The following SLC9A9 variants were observed in gnomAD, a reference collection of about 807,000 sequenced individuals.
The protein encoded by SLC9A9 is solute carrier family 9 member A9, also known as sodium/hydrogen exchanger 9.
A neutral mutation model predicts 77.8 loss-of-function variants in SLC9A9; 62 were observed. That is an observed-to-expected ratio of 0.80 (90% CI 0.65 to 0.98). The LOEUF is 0.98. SLC9A9 is among the 50% of genes least tolerant of loss of function. The pLI is 0.00. For missense variants in SLC9A9, 775 were observed against 774.9 expected (o/e 1.00, Z 0.00); for synonymous variants, 320 against 283.5 (o/e 1.13, Z -1.29).
At chr3:143,716,928 G>A (rs16854191) in intron 4 of SLC9A9, among the ~76,000 whole-genome samples, 3,968 of 152,226 alleles carry the variant, frequency 0.026, 163 homozygotes, top group African/African-American at 0.09. Flanking sequence ...ACCACAACTC[G>A]TGAGACCAGG....
At chr3:143,675,222 G>A (rs991115648) in intron 5 of SLC9A9, among the ~76,000 whole-genome samples, 4 of 152,176 alleles carry the variant, frequency 2.6e-5, no homozygotes, top group African/African-American at 9.7e-5. Context: ...TCAGAAATAT[G>A]CCTTGTGCAT....
intron 13 of SLC9A9, among the ~76,000 whole-genome samples, chr3:143,380,735 T>G (rs1388291680): frequency 1.3e-5 from 2 of 152,166 alleles, no homozygotes; most frequent in African/African-American, 4.8e-5. Flanking sequence ...ACAAAAAACC[T>G]CAAAGTACAT....
chr3:143,311,698 C>T (rs143069250), intron 14 of SLC9A9, among the ~76,000 whole-genome samples: 31 of 152,288 alleles, frequency 2.0e-4, no homozygotes, highest in South Asian at 8.3e-4. Context: ...TCTGTAAGGG[C>T]ATGTTTTCTC....
At chr3:143,702,085 C>A (rs988562784) in intron 4 of SLC9A9, among the ~76,000 whole-genome samples, 1 of 152,068 alleles carries the variant, frequency 6.6e-6, no homozygotes, top group Non-Finnish European at 1.5e-5. Context: ...TTCAAATATG[C>A]AGGAGAAATA....
In SLC9A9 at chr3:143,843,199, A is replaced by G. The variant is rs116710255; in HGVS notation, c.175+4949T>C. ...GGTGAAGTAGTAGGAAGCATCTCCC[A>G]TAGGCCTGGCAGTCAGGGAGGCTGG... On this transcript the variant is annotated intron_variant, in intron 1 of 15. Transcript: ENST00000316549. Among the ~76,000 whole-genome samples, 1,483 of 152,314 alleles carry G rather than the reference A, an allele frequency of 9.7e-3. 14 individuals are homozygous for G. Among genetic ancestry groups the G allele is most frequent in the Non-Finnish European group, 0.015 (1,037 of 68,026 alleles).
rs1559920212 is a variant in SLC9A9 at position 143,448,871 on chromosome 3, TAATATG to T, written c.1469+18160_1469+18165del. ...ATATTATGTTATATAATATATTATATAATATGATATATATTATATATTATAATATAT... is the reference window on the plus strand; with the variant it reads ...ATATTATGTTATATAATATATTATATATATATATTATATATTATAATATAT... On this transcript the variant is annotated intron_variant, in intron 12 of 15. Coordinates refer to ENST00000316549, the MANE Select transcript of SLC9A9 (RefSeq NM_173653.4). 1.4e-3 allele frequency among the ~76,000 whole-genome samples: 47 copies of T among 34,778 alleles called. 3 individuals carry two copies. Among genetic ancestry groups the T allele is most frequent in the East Asian group, 0.038 (1 of 26 alleles). 22.8% of individuals were successfully genotyped at this position (34,778 alleles called of 152,430 possible).
At chr3:143,428,221 C>G (rs1039851502) in intron 12 of SLC9A9, among the ~76,000 whole-genome samples, 12 of 151,538 alleles carry the variant, frequency 7.9e-5, no homozygotes, top group African/African-American at 2.7e-4. Flanking sequence ...ATTCAGAACA[C>G]TCAATAGCAA....
chr3:143,430,122 C>G lies in SLC9A9; in HGVS notation c.1469+36915G>C, dbSNP rs183378201. Among the ~76,000 whole-genome samples the G allele has an allele frequency of 9.2e-5, 14 of 152,284 alleles. No homozygotes were observed. In the East Asian group the frequency reaches 2.5e-3, roughly 27 times the overall value. On this transcript the variant is annotated intron_variant, in intron 12 of 15. Transcript: ENST00000316549. ...TTTTCAGTCTTATCAGTTGTTTACA[C>G]TTCAAAGTTAATGACTTCATCAGAA...
intron 12 of SLC9A9, among the ~76,000 whole-genome samples, chr3:143,390,647 C>A (rs535805938): frequency 6.6e-6 from 1 of 152,156 alleles, no homozygotes; most frequent in African/African-American, 2.4e-5. Context: ...CGAAGCAGGG[C>A]GAGGCGTCGC....
intron 10 of SLC9A9, 63 bp downstream of exon 10, chr3:143,495,272 T>C (rs838598): frequency 0.43 from 576,701 of 1,335,254 alleles, 126,478 homozygotes; most frequent in South Asian, 0.46. Flanking sequence ...ACAGAATAAT[T>C]CGTAAAAGTA....
rs7621245 is a variant in SLC9A9 at position 143,748,215 on chromosome 3, A to C, written c.533+46786T>G. The stretch of plus-strand genomic sequence containing the variant: ...CTGGTGACTTGCCGTAGAACTTTAG[A>C]TATTCAGGCCCATGATATGCGGGCT... On this transcript the variant is annotated intron_variant, in intron 4 of 15. Coordinates refer to ENST00000316549, the MANE Select transcript of SLC9A9 (RefSeq NM_173653.4). 4.7e-4 allele frequency among the ~76,000 whole-genome samples: 72 copies of C among 152,280 alleles called. 1 individual carries two copies. Among genetic ancestry groups the C allele is most frequent in the African/African-American group, 1.6e-3 (68 of 41,556 alleles).
Position 143,795,092 on chromosome 3 carries a change from A to C in SLC9A9, c.457-15T>G, listed in dbSNP as rs574690108. 10 of 1,606,052 alleles carry C rather than the reference A, an allele frequency of 6.2e-6. No individual in the cohort carries two copies. The East Asian group carries it at 2.2e-4, about 36-fold the overall frequency. On this transcript the variant is annotated splice_polypyrimidine_tract_variant and intron_variant, in intron 3 of 15. Coordinates refer to ENST00000316549, the MANE Select transcript of SLC9A9 (RefSeq NM_173653.4). Reference sequence around the variant, plus strand: ...AAAAAGTGTCTCTGGGGAGAAAAAAAGATATTTAATAGAGTACATCAGAAT... The same window carrying C: ...AAAAAGTGTCTCTGGGGAGAAAAAACGATATTTAATAGAGTACATCAGAAT...
At position 143,601,664 on chromosome 3, in the gene SLC9A9, A is replaced by G. The variant is rs116401757; in HGVS notation, c.756-22941T>C. On this transcript the variant is annotated intron_variant, in intron 6 of 15. Transcript: ENST00000316549. ...TTTAACCCTCCCACCTCTGGTGCCA[A>G]CTCAGCGCTGCAGATTTCAAATAAA... Among the ~76,000 whole-genome samples the G allele has an allele frequency of 6.7e-3, 1,028 of 152,310 alleles. 14 individuals are homozygous for G. The highest frequency in any genetic ancestry group is 0.022 in the African/African-American group (933 of 41,548).
intron 8 of SLC9A9, among the ~76,000 whole-genome samples, chr3:143,560,690 A>G (rs2037068418): frequency 6.6e-6 from 1 of 150,980 alleles, no homozygotes. Flanking sequence ...AATTGATGAT[A>G]TACTTTACCA....
intron 14 of SLC9A9, chr3:143,347,040 A>G (rs990234048): frequency 6.6e-6 from 1 of 152,192 alleles, no homozygotes; most frequent in African/African-American, 2.4e-5. Context: ...TCTCCTCACC[A>G]TGTAAGCCTC....
At chr3:143,392,277 A>G (rs2033590365) in intron 12 of SLC9A9, among the ~76,000 whole-genome samples, 1 of 152,234 alleles carries the variant, frequency 6.6e-6, no homozygotes, top group South Asian at 2.1e-4. Flanking sequence ...ACAAGCCAGA[A>G]GACAGTGGGG....
chr3:143,430,087 G>A (rs2034483679), intron 12 of SLC9A9, among the ~76,000 whole-genome samples: 1 of 152,170 alleles, frequency 6.6e-6, no homozygotes, highest in South Asian at 2.1e-4. Flanking sequence ...TGCATCTAGG[G>A]GAGAGGGCAT....
At chr3:143,816,724 A>G (rs1048742690) in intron 2 of SLC9A9, among the ~76,000 whole-genome samples, 1 of 152,230 alleles carries the variant, frequency 6.6e-6, no homozygotes, top group Non-Finnish European at 1.5e-5. Context: ...CTTCAACTTT[A>G]GTAGGTATCA....
At chr3:143,430,800 G>A (rs985722390) in intron 12 of SLC9A9, among the ~76,000 whole-genome samples, 13 of 152,194 alleles carry the variant, frequency 8.5e-5, no homozygotes, top group Non-Finnish European at 5.9e-5. Context: ...GTTGGGCTAG[G>A]CAGACTCAAG....
Sources: gnomAD v4.1 joint callset for allele counts (sites outside exome capture counted in the v4.1 genomes callset) on GRCh38, gnomAD v4.1.1 for gene constraint, MANE v1.5 for transcripts, NCBI Gene and HGNC (gene_info 2026-07-23, HGNC 2026-07-21) for gene names.